The following REV1 variants were observed in gnomAD, a reference collection of about 807,000 sequenced individuals.
REV1 encodes the protein translesion synthesis protein REV1.
Under a neutral mutation model 137.4 loss-of-function variants are expected in REV1, and 42 were observed. The ratio of observed to expected loss-of-function variants is 0.31; its 90% CI spans 0.24 to 0.40. REV1 has a LOEUF of 0.40. REV1 is among the 10% of genes least tolerant of loss of function. REV1 has a pLI of 1.00. For synonymous variants in REV1, 524 were observed against 519.2 expected (o/e 1.01, Z -0.12); for missense variants, 1,282 against 1,490.1 (o/e 0.86, Z 2.30).
At chr2:99,463,796 G>T (rs1684505364) in intron 2 of REV1, among the ~76,000 whole-genome samples, 1 of 152,000 alleles carries the variant, frequency 6.6e-6, no homozygotes, top group African/African-American at 2.4e-5. Context: ...GCTAATTTTT[G>T]TATTTTTAAT....
intron 5 of REV1, 59 bp downstream of exon 5, chr2:99,442,252 CAAAAAA>C (rs3070575): frequency 2.6e-4 from 137 of 536,684 alleles, no homozygotes; most frequent in East Asian, 3.2e-4. Context: ...AACTCCATCT[CAAAAAA>C]AAAAAAAAAA....
chr2:99,402,354 G>C lies in REV1; in HGVS notation c.3542-8C>G, dbSNP rs755236723. ...TGTCTTCTTCCATTGGATCTAGGAA[G>C]GGGGAAAAACTTCAAATGAGGACCA... On this transcript the variant is annotated splice_polypyrimidine_tract_variant and splice_region_variant and intron_variant, in intron 21 of 22. Transcript: ENST00000258428. 1.7e-5 allele frequency: 24 copies of C among 1,396,718 alleles called. No homozygotes were observed. The highest frequency in any genetic ancestry group is 2.8e-5 in the African/African-American group (2 of 70,290). The allele number at this position is 1,396,718 out of a possible 1,614,324, so 86.5% of individuals were successfully genotyped here.
At position 99,402,530 on chromosome 2, in the gene REV1, G is replaced by A. The variant is rs534130228; in HGVS notation, c.3541+114C>T. The A allele has an allele frequency of 2.9e-4, 323 of 1,112,240 alleles. 7 individuals are homozygous for A. In the South Asian group the frequency reaches 4.7e-3, roughly 16 times the overall value. 68.9% of individuals were successfully genotyped at this position (1,112,240 alleles called of 1,614,324 possible). ...AAAGATTTGGGGGTAGCTGCTTTAA[G>A]CTTATCAGAGTTAGAGAAATGGGTT... On this transcript the variant is annotated intron_variant, in intron 21 of 22. Transcript: ENST00000258428.
Position 99,403,699 on chromosome 2 carries a change from T to C in REV1, c.3162A>G (p.Ala1054=), listed in dbSNP as rs752929205. Residue 1054 remains alanine, a synonymous_variant, in exon 19 of 23, where the codon GCA becomes GCG. Transcript: ENST00000258428. ...ENSTHQQSAS[A]SVPKNPLLHL... The stretch of plus-strand genomic sequence containing the variant: ...CATGCCACTTCCAAGGCTCACCAGA[T>C]GCGCTGGCTGACTGCTGGTGAGTGC... The C allele has an allele frequency of 6.2e-6, 10 of 1,614,094 alleles. No individual in the cohort carries two copies. Among genetic ancestry groups the C allele is most frequent in the Non-Finnish European group, 8.5e-6 (10 of 1,180,038 alleles).
At chr2:99,425,809 G>C (rs1679263250) in intron 9 of REV1, among the ~76,000 whole-genome samples, 1 of 152,158 alleles carries the variant, frequency 6.6e-6, no homozygotes, top group African/African-American at 2.4e-5. Flanking sequence ...GGCCGAGGCA[G>C]GCAGATCACC....
intron 1 of REV1, among the ~76,000 whole-genome samples, chr2:99,485,146 G>T (rs1278888915): frequency 1.3e-5 from 2 of 152,158 alleles, no homozygotes; most frequent in Admixed American, 6.5e-5. Context: ...ATCCTACAAA[G>T]AAGCATTTTA....
At chr2:99,465,596 T>C (rs888546273) in intron 1 of REV1, among the ~76,000 whole-genome samples, 2 of 152,248 alleles carry the variant, frequency 1.3e-5, no homozygotes, top group Non-Finnish European at 2.9e-5. Context: ...GACCAAATGA[T>C]GGCTCACATT....
At chr2:99,409,758 G>A (rs1235668588) in intron 14 of REV1, among the ~76,000 whole-genome samples, 4 of 150,056 alleles carry the variant, frequency 2.7e-5, no homozygotes, top group Non-Finnish European at 4.4e-5. Flanking sequence ...CAGGAGGATT[G>A]CTTGAACCCA....
intron 9 of REV1, chr2:99,424,683 G>T: frequency 8.7e-7 from 1 of 1,149,728 alleles, no homozygotes; most frequent in Non-Finnish European, 1.1e-6. Context: ...TTTGGCCAGG[G>T]TTCATCCCCC....
intron 11 of REV1, 125 bp from the exon 12 acceptor site, chr2:99,419,072 C>T: frequency 2.5e-6 from 2 of 814,982 alleles, no homozygotes; most frequent in Non-Finnish European, 3.8e-6. Context: ...TTGATTATTT[C>T]AAATAAGGTG....
At chr2:99,434,789 G>A (rs1680528481) in intron 7 of REV1, among the ~76,000 whole-genome samples, 1 of 152,100 alleles carries the variant, frequency 6.6e-6, no homozygotes, top group South Asian at 2.1e-4. Context: ...AAGTAGTGGG[G>A]AAAGAAAAAC....
chr2:99,481,151 T>C (rs6542882), intron 1 of REV1, among the ~76,000 whole-genome samples: 93,365 of 152,066 alleles, frequency 0.61, 29,453 homozygotes, highest in African/African-American at 0.74. Flanking sequence ...AGATTATCAA[T>C]GCCTCCACCC....
At chr2:99,474,420 T>C (rs1451719212) in intron 1 of REV1, among the ~76,000 whole-genome samples, 2 of 152,238 alleles carry the variant, frequency 1.3e-5, no homozygotes, top group African/African-American at 4.8e-5. Context: ...GGTATCAATA[T>C]GAACTGCTAA....
chr2:99,435,012 T>C lies in REV1; in HGVS notation c.1322-564A>G, dbSNP rs3792147. 9.7e-4 allele frequency among the ~76,000 whole-genome samples: 148 copies of C among 152,290 alleles called. 3 individuals are homozygous for C. In the East Asian group the frequency reaches 0.019, roughly 19 times the overall value. Reference sequence around the variant, plus strand: ...GTTAAGTTACAAGATTACTATAAATTTGTAAAGCAATAGCAGGGATAAATA... The same window carrying C: ...GTTAAGTTACAAGATTACTATAAATCTGTAAAGCAATAGCAGGGATAAATA... On this transcript the variant is annotated intron_variant, in intron 7 of 22. Coordinates refer to ENST00000258428, the MANE Select transcript of REV1 (RefSeq NM_016316.4).
rs559248570 is a variant in REV1 at position 99,435,978 on chromosome 2, A to C, written c.1214-37T>G. 8.8e-5 allele frequency: 100 copies of C among 1,138,740 alleles called. No individual in the cohort carries two copies. In the South Asian group the frequency reaches 1.1e-3, roughly 12 times the overall value. The allele number at this position is 1,138,740 out of a possible 1,614,324, so 70.5% of individuals were successfully genotyped here. On this transcript the variant is annotated intron_variant, in intron 6 of 22. Coordinates refer to ENST00000258428, the MANE Select transcript of REV1 (RefSeq NM_016316.4). ...AAGACAGCATTCAAACCCCAAGCTA[A>C]TTTTTACTATTTAAAACATCAGGTC...
intron 5 of REV1, among the ~76,000 whole-genome samples, chr2:99,441,018 A>C (rs187306637): frequency 8.5e-5 from 13 of 152,338 alleles, no homozygotes; most frequent in African/African-American, 3.1e-4. Context: ...TAAGAAGTAA[A>C]ATCTAAAAGG....
intron 1 of REV1, among the ~76,000 whole-genome samples, chr2:99,470,482 T>C (rs1165366594): frequency 1.3e-5 from 2 of 152,238 alleles, no homozygotes; most frequent in Non-Finnish European, 2.9e-5. Flanking sequence ...CTTAAACATC[T>C]GCTAGCCGTA....
intron 1 of REV1, among the ~76,000 whole-genome samples, chr2:99,486,439 G>A (rs1223451252): frequency 6.6e-6 from 1 of 151,982 alleles, no homozygotes; most frequent in African/African-American, 2.4e-5. Context: ...TGAGGCAGGA[G>A]AATGGCGTGA....
chr2:99,469,918 G>A (rs530209534), intron 1 of REV1, among the ~76,000 whole-genome samples: 5 of 151,992 alleles, frequency 3.3e-5, no homozygotes, highest in East Asian at 1.9e-4. Context: ...TCAGGAGATC[G>A]AGACCATACT....
Sources: gnomAD v4.1 joint callset for allele counts (sites outside exome capture counted in the v4.1 genomes callset) on GRCh38, gnomAD v4.1.1 for gene constraint, MANE v1.5 for transcripts, NCBI Gene and HGNC (gene_info 2026-07-23, HGNC 2026-07-21) for gene names.